BRIP1: variants seen among roughly 807,000 people sequenced by gnomAD.
BRIP1 encodes the protein Fanconi anemia group J protein.
In BRIP1, 88 loss-of-function variants were observed where a neutral mutation model predicts 119.7. The observed-to-expected ratio is 0.74, with a 90% confidence interval of 0.62 to 0.88. The LOEUF (loss-of-function observed/expected upper bound fraction) is 0.88. Among genes scored for constraint, BRIP1 ranks in the 40% least tolerant of loss-of-function variants. BRIP1 has a pLI of 0.00. For missense variants in BRIP1, 1,259 were observed against 1,455.4 expected (o/e 0.87, Z 2.20); for synonymous variants, 443 against 496.5 (o/e 0.89, Z 1.43).
In BRIP1 at chr17:61,679,831, T is replaced by A. The variant is rs539412199; in HGVS notation, c.*3465A>T. The stretch of plus-strand genomic sequence containing the variant: ...TATGTTATCAGTAATGAAAATGGCC[T>A]ACATCCTACTCTATAAAGGCCAGTA... On this transcript the variant is annotated 3_prime_UTR_variant, in exon 20 of 20. Coordinates refer to ENST00000259008, the MANE Select transcript of BRIP1 (RefSeq NM_032043.3). This position sits in a 1 kb window ranked among gnomAD's most constrained non-coding sequence, Gnocchi z 4.4. 2.4e-4 allele frequency among the ~76,000 whole-genome samples: 37 copies of A among 152,332 alleles called. No homozygotes were observed. Among genetic ancestry groups the A allele is most frequent in the Non-Finnish European group, 4.6e-4 (31 of 68,028 alleles).
rs564973969 is a variant in BRIP1 at position 61,732,837 on chromosome 17, G to A, written c.2379+10176C>T. ...CTCCCAAGTAGCTGGAATTACAGAC[G>A]TGTGCCACCACACCGGGGCTAATTT... On this transcript the variant is annotated intron_variant, in intron 16 of 19. Transcript: ENST00000259008. Among the ~76,000 whole-genome samples the A allele has an allele frequency of 1.6e-4, 25 of 152,038 alleles. No homozygotes were observed. In the South Asian group the frequency reaches 4.2e-3, roughly 25 times the overall value.
chr17:61,753,163 C>T lies in BRIP1; in HGVS notation c.2098-8572G>A, dbSNP rs1203402096. On this transcript the variant is annotated intron_variant, in intron 14 of 19. Coordinates refer to ENST00000259008, the MANE Select transcript of BRIP1 (RefSeq NM_032043.3). The surrounding 1 kb of genome is among the most constrained non-coding windows in gnomAD (Gnocchi z 4.6). ...CTTGCCCTGTGATACTCTGAGCCAC[C>T]CTGGGACTCAGCAGAGAGTTCCCAC... 3.3e-5 allele frequency among the ~76,000 whole-genome samples: 5 copies of T among 152,238 alleles called. No homozygotes were observed. The highest frequency in any genetic ancestry group is 6.5e-5 in the Admixed American group (1 of 15,276).
In BRIP1 at chr17:61,775,590, C is replaced by G. The variant is rs1365662389; in HGVS notation, c.2097+811G>C. Among the ~76,000 whole-genome samples, 3 of 151,724 alleles carry G rather than the reference C, an allele frequency of 2.0e-5. No homozygotes were observed. The highest frequency in any genetic ancestry group is 7.3e-5 in the African/African-American group (3 of 41,290). ...TTCAATGCTTTGAATGTTAGGAGGA[C>G]CAAAATATACTAAATAATTTCAAAT... On this transcript the variant is annotated intron_variant, in intron 14 of 19. Coordinates refer to ENST00000259008, the MANE Select transcript of BRIP1 (RefSeq NM_032043.3). This position sits in a 1 kb window ranked among gnomAD's most constrained non-coding sequence, Gnocchi z 4.4.
chr17:61,811,974 G>C, intron 6 of BRIP1, among the ~76,000 whole-genome samples: 1 of 151,932 alleles, frequency 6.6e-6, no homozygotes, highest in East Asian at 1.9e-4. Flanking sequence ...AATAATAAAA[G>C]ATTTGGTACA....
At chr17:61,782,423 G>A (rs984541736) in intron 11 of BRIP1, among the ~76,000 whole-genome samples, 3 of 150,076 alleles carry the variant, frequency 2.0e-5, no homozygotes, top group Admixed American at 6.6e-5. Context: ...AAAACATAGG[G>A]GAAATCTTCA....
chr17:61,828,564 A>G lies in BRIP1; in HGVS notation c.627+18537T>C, dbSNP rs2145598056. Reference sequence around the variant, plus strand: ...AATTTTATGTTATATATATTTTACCATTAAAAACATGAAGGTAAGAAAAAA... The same window carrying G: ...AATTTTATGTTATATATATTTTACCGTTAAAAACATGAAGGTAAGAAAAAA... On this transcript the variant is annotated intron_variant, in intron 6 of 19. Transcript: ENST00000259008. This position sits in a 1 kb window ranked among gnomAD's most constrained non-coding sequence, Gnocchi z 4.1. Among the ~76,000 whole-genome samples, 1 of 152,336 alleles carries G rather than the reference A, an allele frequency of 6.6e-6. No individual in the cohort carries two copies. Among genetic ancestry groups the G allele is most frequent in the East Asian group, 1.9e-4 (1 of 5,194 alleles).
chr17:61,765,372 GTATATAT>G (rs1487409778), intron 14 of BRIP1, among the ~76,000 whole-genome samples: 3 of 61,552 alleles, frequency 4.9e-5, no homozygotes, highest in South Asian at 5.2e-4. Flanking sequence ...GTGTGTGTGT[GTATATAT>G]TATATATATA....
In BRIP1 at chr17:61,803,040, T is replaced by G. The variant is rs778214887; in HGVS notation, c.919-1566A>C. 3.3e-5 allele frequency among the ~76,000 whole-genome samples: 5 copies of G among 152,146 alleles called. No individual in the cohort carries two copies. Among genetic ancestry groups the G allele is most frequent in the Non-Finnish European group, 5.9e-5 (4 of 68,006 alleles). On this transcript the variant is annotated intron_variant, in intron 7 of 19. Transcript: ENST00000259008. This position sits in a 1 kb window ranked among gnomAD's most constrained non-coding sequence, Gnocchi z 4.3. Reference sequence around the variant, plus strand: ...GTATGAATAGTCTAACAAGGTTCAATAGTAATTTGTGTTTCTTCTTTTATG... The same window carrying G: ...GTATGAATAGTCTAACAAGGTTCAAGAGTAATTTGTGTTTCTTCTTTTATG...
intron 17 of BRIP1, 110 bp downstream of exon 17, chr17:61,715,841 C>T (rs2061850621): frequency 1.5e-6 from 1 of 661,896 alleles, no homozygotes; most frequent in South Asian, 2.2e-5. Flanking sequence ...CCTATGGTTC[C>T]AGTTAAATAA....
chr17:61,854,137 T>C lies in BRIP1; in HGVS notation c.379+2921A>G, dbSNP rs574249176. The stretch of plus-strand genomic sequence containing the variant: ...TATAAAAATTAGCTAGGTGTGGTGG[T>C]GCATGCCAGTAGTCTCAACTACTAG... On this transcript the variant is annotated intron_variant, in intron 4 of 19. Coordinates refer to ENST00000259008, the MANE Select transcript of BRIP1 (RefSeq NM_032043.3). Among the ~76,000 whole-genome samples, 4 of 151,716 alleles carry C rather than the reference T, an allele frequency of 2.6e-5. No homozygotes were observed. The East Asian group carries it at 7.8e-4, about 29-fold the overall frequency.
In BRIP1 at chr17:61,734,285, A is replaced by G. The variant is rs1394163598; in HGVS notation, c.2379+8728T>C. Among the ~76,000 whole-genome samples, 3 of 152,220 alleles carry G rather than the reference A, an allele frequency of 2.0e-5. No individual in the cohort carries two copies. The highest frequency in any genetic ancestry group is 7.2e-5 in the African/African-American group (3 of 41,456). Reference sequence around the variant, plus strand: ...ACTGTGATTTAATTACATGAAAAAGAAAACAACTTTTATTTTAGTTATACT... The same window carrying G: ...ACTGTGATTTAATTACATGAAAAAGGAAACAACTTTTATTTTAGTTATACT... On this transcript the variant is annotated intron_variant, in intron 16 of 19. Coordinates refer to ENST00000259008, the MANE Select transcript of BRIP1 (RefSeq NM_032043.3). This position sits in a 1 kb window ranked among gnomAD's most constrained non-coding sequence, Gnocchi z 5.2.
In BRIP1 at chr17:61,686,079, G is replaced by C. The variant is rs757668121; in HGVS notation, c.2662C>G (p.His888Asp). The change falls in exon 19 of 20, where the codon CAT becomes GAT. Residue 888 changes from histidine to aspartate, a missense_variant. Physicochemically the swap from His to Asp is moderately conservative, Grantham distance 81. Coordinates refer to ENST00000259008, the MANE Select transcript of BRIP1 (RefSeq NM_032043.3). This position sits in a 1 kb window ranked among gnomAD's most constrained non-coding sequence, Gnocchi z 5.4. ...ATGGATACATTAAGAACTTTTTGAT[G>C]CTTTTTGGAAAATTCAGCCAAGGAT... is the stretch of plus-strand genomic sequence containing the variant. ...LESLAEFSKKHQKVLNVSIKD... is the reference protein window; with the variant it reads ...LESLAEFSKKDQKVLNVSIKD... 1.2e-6 allele frequency: 2 copies of C among 1,614,004 alleles called. No individual in the cohort carries two copies. The highest frequency in any genetic ancestry group is 3.3e-4 in the Middle Eastern group (2 of 6,058).
chr17:61,700,896 C>G lies in BRIP1; in HGVS notation c.2493-7384G>C, dbSNP rs189415685. Among the ~76,000 whole-genome samples, 22 of 152,164 alleles carry G rather than the reference C, an allele frequency of 1.4e-4. No homozygotes were observed. The East Asian group carries it at 3.7e-3, about 25-fold the overall frequency. On this transcript the variant is annotated intron_variant, in intron 17 of 19. Transcript: ENST00000259008. This position sits in a 1 kb window ranked among gnomAD's most constrained non-coding sequence, Gnocchi z 4.1. ...AATCTCAATTGATGTTTAAGTAAAT[C>G]AATTCTTTCTTCTGCCTTCTTAAAT... is the stretch of plus-strand genomic sequence containing the variant.
intron 14 of BRIP1, among the ~76,000 whole-genome samples, chr17:61,765,410 TA>T (rs1567798968): frequency 1.3e-3 from 23 of 17,366 alleles, no homozygotes; most frequent in African/African-American, 2.5e-3. Flanking sequence ...TATATATATA[TA>T]TATATATATA....
Position 61,799,151 on chromosome 17 carries a change from A to G in BRIP1, c.1289T>C (p.Ile430Thr), listed in dbSNP as rs1555607077. Residue 430 changes from isoleucine (I) to threonine (T), a missense_variant, in exon 9 of 20, where the codon ATA becomes ACA. Around this residue, in one of 3 missense-constraint regions of BRIP1, gnomAD observed 501 missense variants for 544.0 expected, o/e 0.92. Transcript: ENST00000259008. The surrounding 1 kb of genome is among the most constrained non-coding windows in gnomAD (Gnocchi z 5.1). Reference protein sequence around the residue: ...DELDSMVNNNIRKKDHEPLRA... With the variant: ...DELDSMVNNNTRKKDHEPLRA... ...TAGGGGTTCATGATCTTTCTTCCTT[A>G]TATTATTGTTGACCATACTATCTAG... The G allele has an allele frequency of 6.2e-7, 1 of 1,613,666 alleles. No homozygotes were observed. Among genetic ancestry groups the G allele is most frequent in the Non-Finnish European group, 8.5e-7 (1 of 1,179,696 alleles).
At chr17:61,792,967 G>C (rs1391356511) in intron 10 of BRIP1, among the ~76,000 whole-genome samples, 1 of 152,024 alleles carries the variant, frequency 6.6e-6, no homozygotes, top group Non-Finnish European at 1.5e-5. Flanking sequence ...GAGTATATGA[G>C]AATTCTGGAC....
At position 61,693,832 on chromosome 17, in the gene BRIP1, T is replaced by C. The variant is rs999322405; in HGVS notation, c.2493-320A>G. 1.3e-5 allele frequency among the ~76,000 whole-genome samples: 2 copies of C among 152,114 alleles called. No individual in the cohort carries two copies. Among genetic ancestry groups the C allele is most frequent in the African/African-American group, 4.8e-5 (2 of 41,460 alleles). ...TTTCTTTTTTTTACCTTAAGTATTA[T>C]AAATAATTGTAAAGGTCCTTTTTAC... On this transcript the variant is annotated intron_variant, in intron 17 of 19. Coordinates refer to ENST00000259008, the MANE Select transcript of BRIP1 (RefSeq NM_032043.3). The surrounding 1 kb of genome is among the most constrained non-coding windows in gnomAD (Gnocchi z 4.2).
chr17:61,712,857 T>C (rs2061800250), intron 17 of BRIP1, among the ~76,000 whole-genome samples: 1 of 150,814 alleles, frequency 6.6e-6, no homozygotes, highest in East Asian at 2.0e-4. Flanking sequence ...TGAGCTGAGA[T>C]TGTGCCACTG....
rs1403450301 is a variant in BRIP1, at chr17:61,754,018, G to C, written c.2098-9427C>G. On this transcript the variant is annotated intron_variant, in intron 14 of 19. Transcript: ENST00000259008. The surrounding 1 kb of genome is among the most constrained non-coding windows in gnomAD (Gnocchi z 4.1). Reference sequence around the variant, plus strand: ...TCTCACTATCTTTACTGCTACCACAGTGGTCCAAGCCACCACCATCTATCA... The same window carrying C: ...TCTCACTATCTTTACTGCTACCACACTGGTCCAAGCCACCACCATCTATCA... Among the ~76,000 whole-genome samples, 1 of 152,098 alleles carries C rather than the reference G, an allele frequency of 6.6e-6. No homozygotes were observed. The highest frequency in any genetic ancestry group is 1.9e-4 in the East Asian group (1 of 5,196).
Sources: allele counts gnomAD v4.1 joint callset (sites outside exome capture counted in the v4.1 genomes callset), GRCh38; gene constraint gnomAD v4.1.1; regional missense constraint gnomAD v4.1.1; non-coding constraint Gnocchi (gnomAD v3.1); transcripts MANE v1.5; gene names NCBI Gene and HGNC (gene_info 2026-07-23, HGNC 2026-07-21).